The following DAB1 variants were observed in gnomAD, a reference collection of about 807,000 sequenced individuals.
DAB1 encodes the protein disabled homolog 1.
A neutral mutation model predicts 64.6 loss-of-function variants in DAB1; 15 were observed. The ratio of observed to expected loss-of-function variants is 0.23; its 90% CI spans 0.16 to 0.36. The LOEUF is 0.36. DAB1 is among the 10% of genes least tolerant of loss of function. DAB1 has a pLI of 1.00. For missense variants in DAB1, 596 were observed against 706.7 expected (o/e 0.84, Z 1.78); for synonymous variants, 235 against 251.9 (o/e 0.93, Z 0.64).
At chr1:57,017,916 C>A (rs1051730577) in intron 11 of DAB1, among the ~76,000 whole-genome samples, 1 of 152,046 alleles carries the variant, frequency 6.6e-6, no homozygotes, top group Non-Finnish European at 1.5e-5. Flanking sequence ...GCTACTGCCC[C>A]CTAGGGGTGG....
chr1:57,757,204 T>A (rs981062779), intron 6 of DAB1, among the ~76,000 whole-genome samples: 17 of 89,166 alleles, frequency 1.9e-4, no homozygotes, highest in Admixed American at 7.1e-4. Context: ...CAGAATTTTT[T>A]TTTTTTTTTT....
At chr1:57,129,441 G>T (rs1174113673) in intron 4 of DAB1, among the ~76,000 whole-genome samples, 1 of 152,086 alleles carries the variant, frequency 6.6e-6, no homozygotes, top group African/African-American at 2.4e-5. Context: ...TAGATCTGGG[G>T]CAGCCATGGG....
At chr1:57,939,740 C>T (rs1217498430) in intron 5 of DAB1, among the ~76,000 whole-genome samples, 1 of 152,108 alleles carries the variant, frequency 6.6e-6, no homozygotes, top group African/African-American at 2.4e-5. Context: ...AAGTTTATCC[C>T]CTTTTACAGA....
intron 7 of DAB1, among the ~76,000 whole-genome samples, chr1:57,496,225 C>G (rs1427135490): frequency 1.3e-5 from 2 of 152,144 alleles, no homozygotes; most frequent in Non-Finnish European, 2.9e-5. Context: ...CTTACCTCCC[C>G]ACCCTGCCTC....
intron 5 of DAB1, among the ~76,000 whole-genome samples, chr1:58,112,083 C>G (rs1291173494): frequency 2.0e-5 from 3 of 152,156 alleles, no homozygotes. Context: ...CTCTGTCCAG[C>G]ATTCTCCACC....
chr1:58,189,659 C>A (rs141801895), intron 4 of DAB1, among the ~76,000 whole-genome samples: 86 of 152,358 alleles, frequency 5.6e-4, no homozygotes, highest in Non-Finnish European at 1.0e-3. Context: ...TTGGTCACAC[C>A]AATGGCCTGT....
intron 1 of DAB1, among the ~76,000 whole-genome samples, chr1:57,367,349 C>A (rs1233344688): frequency 6.6e-6 from 1 of 152,028 alleles, no homozygotes; most frequent in African/African-American, 2.4e-5. Flanking sequence ...AAGAAAGTTT[C>A]TAATCAGAGC....
intron 5 of DAB1, among the ~76,000 whole-genome samples, chr1:57,973,538 T>A (rs1208949864): frequency 6.6e-6 from 1 of 152,170 alleles, no homozygotes; most frequent in Non-Finnish European, 1.5e-5. Context: ...CAATTTTAAG[T>A]ACACAAAGCC....
In DAB1 at chr1:58,429,514, G is replaced by C. The variant is rs1043002163; in HGVS notation, n.257+76546C>G. Among the ~76,000 whole-genome samples, 28 of 152,358 alleles carry C rather than the reference G, an allele frequency of 1.8e-4. 1 individual carries two copies. The highest frequency in any genetic ancestry group is 6.7e-4 in the African/African-American group (28 of 41,582). On this transcript the variant is annotated intron_variant and non_coding_transcript_variant, in intron 3 of 20. Transcript: ENST00000485760. ...CAGAGGAAGGCCTTTCCCTGTGTCA[G>C]AGGCTGCTGGTGGACTGTCAGATGA...
At chr1:57,624,008 AT>A (rs1645892737) in intron 7 of DAB1, among the ~76,000 whole-genome samples, 1 of 152,178 alleles carries the variant, frequency 6.6e-6, no homozygotes, top group South Asian at 2.1e-4. Flanking sequence ...TTCATGCCTT[AT>A]TGTGGCATCT....
chr1:57,976,950 T>C (rs1645935228), intron 5 of DAB1, among the ~76,000 whole-genome samples: 1 of 152,182 alleles, frequency 6.6e-6, no homozygotes, highest in African/African-American at 2.4e-5. Context: ...ATTACCACAA[T>C]AAGATGCCTC....
At chr1:58,349,525 G>A (rs535586530) in intron 3 of DAB1, among the ~76,000 whole-genome samples, 6 of 151,828 alleles carry the variant, frequency 4.0e-5, no homozygotes, top group Non-Finnish European at 7.4e-5. Context: ...TTGTTATATA[G>A]GTATGCACAT....
At chr1:57,231,022 T>C (rs1404313925) in intron 2 of DAB1, among the ~76,000 whole-genome samples, 1 of 152,132 alleles carries the variant, frequency 6.6e-6, no homozygotes, top group Non-Finnish European at 1.5e-5. Context: ...GTATTATTAA[T>C]AGTTGCAATA....
intron 9 of DAB1, among the ~76,000 whole-genome samples, chr1:57,026,629 T>C (rs901705261): frequency 6.6e-6 from 1 of 152,182 alleles, no homozygotes; most frequent in Non-Finnish European, 1.5e-5. Context: ...AACAGCACTC[T>C]CTGAAAGAGT....
At chr1:57,343,418 G>A (rs1677803960) in intron 1 of DAB1, among the ~76,000 whole-genome samples, 2 of 152,220 alleles carry the variant, frequency 1.3e-5, no homozygotes, top group African/African-American at 4.8e-5. Flanking sequence ...GGCCACAGGT[G>A]GAGCTGCCTG....
At chr1:58,433,094 G>A (rs1644897328) in intron 3 of DAB1, among the ~76,000 whole-genome samples, 1 of 152,218 alleles carries the variant, frequency 6.6e-6, no homozygotes, top group South Asian at 2.1e-4. Context: ...GAGCAGCCAA[G>A]AGGGGCCTCC....
intron 14 of DAB1, among the ~76,000 whole-genome samples, chr1:57,004,516 G>A (rs942045644): frequency 6.6e-6 from 1 of 152,186 alleles, no homozygotes; most frequent in Non-Finnish European, 1.5e-5. Context: ...CATCCCGGGG[G>A]CCTAGGGTAA....
At position 58,397,348 on chromosome 1, in the gene DAB1, G is replaced by A. The variant is rs201419124; in HGVS notation, n.258-53945C>T. On this transcript the variant is annotated intron_variant and non_coding_transcript_variant, in intron 3 of 20. Coordinates refer to the DAB1 transcript ENST00000485760. Reference sequence around the variant, plus strand: ...CCCCACAAGTGGGAGTGAGAGCTCCGGAGAGGCATGCAGCCTGCACTTCAG... The same window carrying A: ...CCCCACAAGTGGGAGTGAGAGCTCCAGAGAGGCATGCAGCCTGCACTTCAG... Among the ~76,000 whole-genome samples the A allele has an allele frequency of 3.0e-4, 46 of 152,308 alleles. No homozygotes were observed. The East Asian group carries it at 7.5e-3, about 25-fold the overall frequency.
At chr1:57,231,791 A>C (rs1667698408) in intron 2 of DAB1, among the ~76,000 whole-genome samples, 1 of 152,220 alleles carries the variant, frequency 6.6e-6, no homozygotes, top group Non-Finnish European at 1.5e-5. Flanking sequence ...AATGTGCAGA[A>C]GGAAGTATAT....
Sources: gnomAD v4.1 joint callset for allele counts (sites outside exome capture counted in the v4.1 genomes callset) on GRCh38, gnomAD v4.1.1 for gene constraint, MANE v1.5 for transcripts, NCBI Gene and HGNC (gene_info 2026-07-23, HGNC 2026-07-21) for gene names.